The following CADM2 variants were observed in gnomAD, a reference collection of about 807,000 sequenced individuals.
The protein encoded by CADM2 is immunoglobulin superfamily member 4D.
In CADM2, 12 loss-of-function variants were observed where a neutral mutation model predicts 49.8. That is an observed-to-expected ratio of 0.24 (90% CI 0.15 to 0.39). The LOEUF is 0.39. CADM2 is among the 10% of genes least tolerant of loss of function. The probability of loss-of-function intolerance (pLI) is 1.00; values close to 1 mark genes in which losing one functional copy is unlikely to be tolerated. For synonymous variants in CADM2, 214 were observed against 175.4 expected, an observed-to-expected ratio of 1.22 and a Z score of -1.74; for missense variants, 378 against 492.3, an observed-to-expected ratio of 0.77 and a Z score of 2.20.
chr3:85,571,409 G>GTT (rs569833454), intron 1 of CADM2, among the ~76,000 whole-genome samples: 69 of 148,668 alleles, frequency 4.6e-4, no homozygotes, highest in South Asian at 4.2e-4. Flanking sequence ...TTGTCCAGAT[G>GTT]TTTTTTTTTT....
At chr3:85,601,557 A>G (rs2063406337) in intron 1 of CADM2, among the ~76,000 whole-genome samples, 1 of 151,470 alleles carries the variant, frequency 6.6e-6, no homozygotes. Context: ...CAAAGATCCT[A>G]TTTAAAATCA....
chr3:85,559,051 A>G (rs770384746), intron 1 of CADM2, among the ~76,000 whole-genome samples: 1 of 152,016 alleles, frequency 6.6e-6, no homozygotes. Flanking sequence ...TTTGTTATTC[A>G]TACACTTTCT....
chr3:85,850,029 A>C (rs2108288234), intron 3 of CADM2, among the ~76,000 whole-genome samples: 1 of 152,346 alleles, frequency 6.6e-6, no homozygotes, highest in African/African-American at 2.4e-5. Flanking sequence ...ATGAAAACTT[A>C]GTATATTTTA....
In CADM2 at chr3:85,090,505, A is replaced by G. The variant is rs574037405; in HGVS notation, c.61+130837A>G. On this transcript the variant is annotated intron_variant, in intron 1 of 9. Transcript: ENST00000383699. Reference sequence around the variant, plus strand: ...CACTAATAATAATAACAGAATAGATACAAAATATTTTTTCTTAGCCAATGA... The same window carrying G: ...CACTAATAATAATAACAGAATAGATGCAAAATATTTTTTCTTAGCCAATGA... 4.6e-5 allele frequency among the ~76,000 whole-genome samples: 7 copies of G among 152,332 alleles called. No individual in the cohort carries two copies. In the South Asian group the frequency reaches 1.0e-3, roughly 23 times the overall value.
intron 1 of CADM2, among the ~76,000 whole-genome samples, chr3:85,194,160 C>T (rs2041280627): frequency 6.6e-6 from 1 of 151,924 alleles, no homozygotes; most frequent in African/African-American, 2.4e-5. Context: ...GAGAAGGAAG[C>T]GCTTTTGCAA....
intron 1 of CADM2, among the ~76,000 whole-genome samples, chr3:85,578,177 T>A (rs1324945893): frequency 6.6e-6 from 1 of 152,026 alleles, no homozygotes; most frequent in Admixed American, 6.6e-5. Flanking sequence ...CACCTTCCGG[T>A]CATTTTCCTT....
At chr3:85,755,930 C>T (rs143230063) in intron 2 of CADM2, among the ~76,000 whole-genome samples, 124 of 152,252 alleles carry the variant, frequency 8.1e-4, no homozygotes, top group Middle Eastern at 3.4e-3. Flanking sequence ...CATGTAGCAA[C>T]TTCCCTCTTC....
chr3:85,915,465 C>A (rs1036252996), intron 6 of CADM2, among the ~76,000 whole-genome samples: 2 of 152,046 alleles, frequency 1.3e-5, no homozygotes, highest in Non-Finnish European at 2.9e-5. Context: ...GCAGAACATT[C>A]TCCGGAGATT....
intron 1 of CADM2, among the ~76,000 whole-genome samples, chr3:84,998,739 C>A (rs17022239): frequency 1.3e-5 from 2 of 151,936 alleles, no homozygotes; most frequent in Non-Finnish European, 2.9e-5. Context: ...CAGAGCAATG[C>A]GTGTTTTCTT....
intron 8 of CADM2, among the ~76,000 whole-genome samples, chr3:86,043,131 TG>T: frequency 6.6e-6 from 1 of 152,258 alleles, no homozygotes; most frequent in South Asian, 2.1e-4. Flanking sequence ...TCGTACTGAA[TG>T]GGCAAAAACT....
chr3:84,990,523 T>G (rs2107175077), intron 1 of CADM2, among the ~76,000 whole-genome samples: 1 of 152,072 alleles, frequency 6.6e-6, no homozygotes, highest in East Asian at 1.9e-4. Flanking sequence ...CCTATAGTAT[T>G]ATCTGAAAAT....
At chr3:85,246,249 G>A (rs1206857534) in intron 1 of CADM2, among the ~76,000 whole-genome samples, 2 of 151,976 alleles carry the variant, frequency 1.3e-5, no homozygotes, top group Non-Finnish European at 2.9e-5. Flanking sequence ...TGAACAATGA[G>A]AACACTTGGA....
chr3:85,749,592 A>T (rs939180192), intron 2 of CADM2, among the ~76,000 whole-genome samples: 12 of 122,180 alleles, frequency 9.8e-5, no homozygotes, highest in African/African-American at 3.1e-4. Context: ...ATAAATTTTA[A>T]AAATGCTGAC....
At chr3:85,335,928 A>G (rs2045067401) in intron 1 of CADM2, among the ~76,000 whole-genome samples, 1 of 151,414 alleles carries the variant, frequency 6.6e-6, no homozygotes, top group African/African-American at 2.4e-5. Context: ...ATAAAACCAT[A>G]CAAAGACAGC....
intron 1 of CADM2, among the ~76,000 whole-genome samples, chr3:85,249,766 A>G (rs1318388813): frequency 6.6e-6 from 1 of 151,956 alleles, no homozygotes; most frequent in Non-Finnish European, 1.5e-5. Context: ...ATAATTTTTA[A>G]AAATCTCAAT....
chr3:85,911,930 ATTAT>A (rs935424188), intron 5 of CADM2, among the ~76,000 whole-genome samples: 32 of 150,054 alleles, frequency 2.1e-4, no homozygotes, highest in Admixed American at 1.9e-3. Context: ...AATTTTTTTT[ATTAT>A]TTATTTATTT....
intron 7 of CADM2, among the ~76,000 whole-genome samples, chr3:85,941,424 G>A (rs1327546496): frequency 6.6e-6 from 1 of 151,962 alleles, no homozygotes; most frequent in Non-Finnish European, 1.5e-5. Flanking sequence ...AACAGCAAAG[G>A]AATCCAGACC....
intron 2 of CADM2, among the ~76,000 whole-genome samples, chr3:85,763,348 C>T (rs975897186): frequency 1.3e-5 from 2 of 152,160 alleles, no homozygotes; most frequent in Non-Finnish European, 1.5e-5. Context: ...CTGTAAGACT[C>T]ACCCTGATTT....
chr3:85,204,939 A>G (rs1327686060), intron 1 of CADM2, among the ~76,000 whole-genome samples: 1 of 152,076 alleles, frequency 6.6e-6, no homozygotes, highest in East Asian at 1.9e-4. Context: ...TTATTATGTA[A>G]TTAATAATGA....
Sources: allele counts gnomAD v4.1 joint callset (sites outside exome capture counted in the v4.1 genomes callset), GRCh38; gene constraint gnomAD v4.1.1; transcripts MANE v1.5; gene names NCBI Gene and HGNC (gene_info 2026-07-23, HGNC 2026-07-21).